Variants in STARD9 observed in about 807,000 individuals in gnomAD.
The protein encoded by STARD9 is stAR-related lipid transfer protein 9.
STARD9 carries 346 observed loss-of-function variants against 399.8 expected under a neutral mutation model. That is an observed-to-expected ratio of 0.87 (90% CI 0.79 to 0.95). The LOEUF is 0.95. STARD9 is among the 40% of genes least tolerant of loss of function. STARD9 has a pLI of 0.00. For missense variants in STARD9, 5,832 were observed against 5,667.5 expected (o/e 1.03, Z -0.93); for synonymous variants, 2,203 against 2,143.5 (o/e 1.03, Z -0.77).
chr15:42,607,966 C>G (rs754977495), intron 3 of STARD9, among the ~76,000 whole-genome samples: 6 of 152,204 alleles, frequency 3.9e-5, no homozygotes, highest in Non-Finnish European at 7.3e-5. Flanking sequence ...TTGTCACTAA[C>G]AAGTAATTGT....
chr15:42,705,909 C>T (rs760525674), intron 26 of STARD9, among the ~76,000 whole-genome samples: 2 of 151,864 alleles, frequency 1.3e-5, no homozygotes, highest in Admixed American at 6.6e-5. Context: ...CCTGCCCCCA[C>T]GCCTGGCTAA....
Position 42,689,594 on chromosome 15 carries a change from T to A in STARD9, c.8016T>A (p.Ala2672=). ...PVQAFSHAAP[A]QDRKRRTGEL... is the part of the protein sequence containing the mutation. The stretch of plus-strand genomic sequence containing the variant: ...AGGCTTTCTCCCATGCTGCTCCTGC[T>A]CAAGACAGGAAACGTCGTACTGGAG... The change falls in exon 23 of 33, where the codon GCT becomes GCA. Residue 2672 remains alanine (A), a synonymous_variant. Coordinates refer to ENST00000290607, the MANE Select transcript of STARD9 (RefSeq NM_020759.3). The A allele has an allele frequency of 6.5e-7, 1 of 1,537,306 alleles. No individual in the cohort carries two copies. The highest frequency in any genetic ancestry group is 1.2e-5 in the South Asian group (1 of 84,054).
At chr15:42,670,862 T>TA (rs2140143438) in intron 16 of STARD9, 1 of 152,304 alleles carries the variant, frequency 6.6e-6, no homozygotes, top group East Asian at 1.9e-4. Flanking sequence ...GCAAGAAAAC[T>TA]AAACACCAAA....
Position 42,681,552 on chromosome 15 carries a change from A to G in STARD9, c.2005A>G (p.Ile669Val). The part of the protein sequence containing the change: ...DLRHQILAEE[I>V]RAAKELEFDQ... ...GAGGCATCAAATCCTAGCAGAAGAGATTCGAGCTGCGAAGGAACTGGAATT... is the reference window on the plus strand; with the variant it reads ...GAGGCATCAAATCCTAGCAGAAGAGGTTCGAGCTGCGAAGGAACTGGAATT... Residue 669 changes from isoleucine (I) to valine (V), a missense_variant, in exon 21 of 33, where the codon ATT (isoleucine) becomes GTT (valine). By Grantham distance (29) the Ile-to-Val change is conservative. Around this residue, in one of 2 missense-constraint regions of STARD9, gnomAD observed 5,828 missense variants for 5,651.1 expected, o/e 1.03. Transcript: ENST00000290607. The G allele has an allele frequency of 2.0e-6, 3 of 1,537,178 alleles. No homozygotes were observed. The highest frequency in any genetic ancestry group is 2.6e-6 in the Non-Finnish European group (3 of 1,146,858).
intron 10 of STARD9, among the ~76,000 whole-genome samples, chr15:42,662,282 C>T (rs1227235065): frequency 1.3e-5 from 2 of 152,120 alleles, no homozygotes; most frequent in African/African-American, 4.8e-5. Flanking sequence ...TGAAATAAGG[C>T]AAATTTTCTT....
At position 42,681,551 on chromosome 15, in the gene STARD9, G is replaced by T. The variant is rs996225219; in HGVS notation, c.2004G>T (p.Glu668Asp). 2.6e-6 allele frequency: 4 copies of T among 1,537,236 alleles called. No individual in the cohort carries two copies. In the South Asian group the frequency reaches 3.6e-5, roughly 14 times the overall value. Residue 668 changes from glutamate to aspartate, a missense_variant, in exon 21 of 33, where the codon GAG (glutamate) becomes GAT (aspartate). Physicochemically the swap from Glu to Asp is conservative, Grantham distance 45. Around this residue, in one of 2 missense-constraint regions of STARD9, gnomAD observed 5,828 missense variants for 5,651.1 expected, o/e 1.03. Transcript: ENST00000290607. ...TGAGGCATCAAATCCTAGCAGAAGA[G>T]ATTCGAGCTGCGAAGGAACTGGAAT... ...EDLRHQILAE[E>D]IRAAKELEFD... is the part of the protein sequence containing the mutation.
rs1430824050 is a variant in STARD9, at chr15:42,675,932, G to A, written c.1831G>A (p.Ala611Thr). 1.7e-5 allele frequency: 26 copies of A among 1,536,874 alleles called. No homozygotes were observed. The highest frequency in any genetic ancestry group is 2.4e-5 in the East Asian group (1 of 40,922). ...GTGGCTGGATTTGGATGGAGATCTC[G>A]CTGCCTCCCGGCTGGGTCTCTCCCC... The part of the protein sequence containing the change: ...LEWLDLDGDL[A>T]ASRLGLSPLL... The change falls in exon 20 of 33, where the codon GCT becomes ACT. Residue 611 changes from alanine (A) to threonine (T), a missense_variant. By Grantham distance (58) the Ala-to-Thr change is moderately conservative (BLOSUM62 0). Around this residue, in one of 2 missense-constraint regions of STARD9, gnomAD observed 5,828 missense variants for 5,651.1 expected, o/e 1.03. Transcript: ENST00000290607.
intron 26 of STARD9, among the ~76,000 whole-genome samples, chr15:42,705,292 C>A (rs1320439596): frequency 6.6e-6 from 1 of 152,118 alleles, no homozygotes; most frequent in African/African-American, 2.4e-5. Context: ...AAATCTAGTA[C>A]TTTTATCTAT....
At chr15:42,663,055 G>A (rs1566913656) in intron 11 of STARD9, 164 bp downstream of exon 11, 4 of 692,294 alleles carry the variant, frequency 5.8e-6, no homozygotes, top group Non-Finnish European at 9.5e-6. Context: ...GTAGAATGCT[G>A]TCCTACTACC....
intron 3 of STARD9, among the ~76,000 whole-genome samples, chr15:42,624,723 A>G (rs1425077101): frequency 6.6e-6 from 1 of 151,598 alleles, no homozygotes. Context: ...TAATTTTTGT[A>G]TTTTTCATAT....
rs1371591798 is a variant in STARD9, at chr15:42,716,694, T to G, written c.13302T>G (p.Pro4434=). The G allele has an allele frequency of 6.5e-7, 1 of 1,536,372 alleles. No individual in the cohort carries two copies. The highest frequency in any genetic ancestry group is 8.7e-7 in the Non-Finnish European group (1 of 1,146,260). ...FPENMGHTNL[P]DSRDVWIGDE... ...TTCTGCAGGGGCATACAAACTTGCC[T>G]GATTCCAGGGATGTATGGATAGGGG... Residue 4434 remains proline, a synonymous_variant, in exon 27 of 33, where the codon CCT becomes CCG. Coordinates refer to ENST00000290607, the MANE Select transcript of STARD9 (RefSeq NM_020759.3).
intron 3 of STARD9, among the ~76,000 whole-genome samples, chr15:42,597,079 G>A (rs1312739444): frequency 6.6e-6 from 1 of 152,082 alleles, no homozygotes; most frequent in East Asian, 1.9e-4. Context: ...TTCTGTTTAC[G>A]ATTGTGTGTG....
intron 3 of STARD9, among the ~76,000 whole-genome samples, chr15:42,623,035 T>G (rs1368453259): frequency 6.6e-6 from 1 of 152,184 alleles, no homozygotes; most frequent in African/African-American, 2.4e-5. Context: ...GCAGATCACC[T>G]GAGGTCGGGA....
chr15:42,609,047 C>G (rs550419502), intron 3 of STARD9, among the ~76,000 whole-genome samples: 6 of 152,104 alleles, frequency 3.9e-5, no homozygotes, highest in African/African-American at 1.2e-4. Flanking sequence ...CTAGGGTTTT[C>G]TTATGACAGT....
Position 42,687,818 on chromosome 15 carries a change from C to G in STARD9, c.6240C>G (p.Thr2080=). The change falls in exon 23 of 33, where the codon ACC becomes ACG. Residue 2080 remains threonine (T), a synonymous_variant. Transcript: ENST00000290607. ...KQVHASHTPG[T]DKELVFQDQK... ...TTCATGCTTCCCACACACCAGGAAC[C>G]GATAAGGAGTTGGTGTTCCAGGACC... The G allele has an allele frequency of 6.5e-7, 1 of 1,537,398 alleles. No individual in the cohort carries two copies. The highest frequency in any genetic ancestry group is 8.7e-7 in the Non-Finnish European group (1 of 1,147,004).
chr15:42,665,188 C>T, intron 13 of STARD9, 65 bp from the exon 14 acceptor site: 1 of 1,309,732 alleles, frequency 7.6e-7, no homozygotes, highest in Non-Finnish European at 1.1e-6. Context: ...CCAATTGCAA[C>T]TAGCATTTCA....
At chr15:42,584,338 A>C (rs987404188) in intron 2 of STARD9, among the ~76,000 whole-genome samples, 18 of 152,168 alleles carry the variant, frequency 1.2e-4, no homozygotes, top group African/African-American at 4.3e-4. Flanking sequence ...CCCAGGGACA[A>C]AGGACCTTTT....
At chr15:42,700,127 A>G (rs1336787509) in intron 26 of STARD9, among the ~76,000 whole-genome samples, 1 of 152,194 alleles carries the variant, frequency 6.6e-6, no homozygotes, top group Non-Finnish European at 1.5e-5. Flanking sequence ...ATTCTGTTTT[A>G]TGGCTGAATA....
At chr15:42,698,981 C>T (rs1300320120) in intron 26 of STARD9, among the ~76,000 whole-genome samples, 1 of 151,140 alleles carries the variant, frequency 6.6e-6, no homozygotes, top group Non-Finnish European at 1.5e-5. Flanking sequence ...CCTCATTGCT[C>T]TTCTCTTTCT....
Sources: allele counts gnomAD v4.1 joint callset (sites outside exome capture counted in the v4.1 genomes callset), GRCh38; gene constraint gnomAD v4.1.1; regional missense constraint gnomAD v4.1.1; transcripts MANE v1.5; gene names NCBI Gene and HGNC (gene_info 2026-07-23, HGNC 2026-07-21).